The following UBTD1 variants were observed in gnomAD, a reference collection of about 807,000 sequenced individuals.
UBTD1 encodes ubiquitin domain containing 1.
UBTD1 carries 19 observed loss-of-function variants against 21.7 expected under a neutral mutation model. That is an observed-to-expected ratio of 0.87 (90% confidence interval 0.61 to 1.28). The LOEUF (loss-of-function observed/expected upper bound fraction) is 1.28, where lower values mean the gene tolerates loss of function less well. Ranked by LOEUF, UBTD1 falls within the 50% of genes most tolerant of loss-of-function variation. UBTD1 has a pLI of 0.00. For synonymous variants in UBTD1, 116 were observed against 135.1 expected (o/e 0.86, Z 0.98); for missense variants, 282 against 315.1 (o/e 0.89, Z 0.80).
chr10:97,561,095 C>T lies in UBTD1; in HGVS notation c.71-6819C>T, dbSNP rs2040690327. Among the ~76,000 whole-genome samples the T allele has an allele frequency of 2.6e-5, 4 of 152,138 alleles. No individual in the cohort carries two copies. In the South Asian group the frequency reaches 8.3e-4, roughly 31 times the overall value. On this transcript the variant is annotated intron_variant, in intron 1 of 2. Coordinates refer to ENST00000370664, the MANE Select transcript of UBTD1 (RefSeq NM_024954.5). ...GATGTCCGGACTCCAAGTACCGGTTCCTTCCTGGTGTTCAGCCACTGTGTT... is the reference window on the plus strand; with the variant it reads ...GATGTCCGGACTCCAAGTACCGGTTTCTTCCTGGTGTTCAGCCACTGTGTT...
intron 1 of UBTD1, among the ~76,000 whole-genome samples, chr10:97,510,547 TG>T (rs1198358791): frequency 6.6e-6 from 1 of 152,214 alleles, no homozygotes; most frequent in Admixed American, 6.5e-5. Flanking sequence ...GTCTTGAGAA[TG>T]GTGCCTGGGA....
At chr10:97,523,884 C>T (rs536781990) in intron 1 of UBTD1, among the ~76,000 whole-genome samples, 2 of 152,208 alleles carry the variant, frequency 1.3e-5, no homozygotes, top group South Asian at 4.1e-4. Flanking sequence ...TCTGTGGCAG[C>T]TGGAGCCAGT....
chr10:97,535,026 G>A (rs1258163542), intron 1 of UBTD1, among the ~76,000 whole-genome samples: 3 of 152,216 alleles, frequency 2.0e-5, no homozygotes, highest in Non-Finnish European at 4.4e-5. Flanking sequence ...CCTGGAAGAA[G>A]AGGGTTTGTG....
At chr10:97,542,865 C>T (rs1255520985) in intron 1 of UBTD1, among the ~76,000 whole-genome samples, 3 of 152,356 alleles carry the variant, frequency 2.0e-5, no homozygotes, top group East Asian at 1.9e-4. Flanking sequence ...ATAGAACCCT[C>T]GCAGAGGCCT....
At chr10:97,540,895 G>A (rs1424203962) in intron 1 of UBTD1, among the ~76,000 whole-genome samples, 3 of 152,232 alleles carry the variant, frequency 2.0e-5, no homozygotes, top group Non-Finnish European at 4.4e-5. Flanking sequence ...CTGTGTGGGC[G>A]GCAGGGTAGG....
At chr10:97,534,257 C>T (rs1423863574) in intron 1 of UBTD1, among the ~76,000 whole-genome samples, 3 of 152,232 alleles carry the variant, frequency 2.0e-5, no homozygotes, top group African/African-American at 7.2e-5. Flanking sequence ...ATTCTGTCAG[C>T]TTTTATTGAG....
At chr10:97,518,014 G>A (rs2040451883) in intron 1 of UBTD1, among the ~76,000 whole-genome samples, 2 of 152,138 alleles carry the variant, frequency 1.3e-5, no homozygotes. Context: ...GGAACTGGAG[G>A]GGCCGCTCCG....
chr10:97,558,895 G>A (rs982505471), intron 1 of UBTD1, among the ~76,000 whole-genome samples: 9 of 151,986 alleles, frequency 5.9e-5, no homozygotes, highest in African/African-American at 2.2e-4. Flanking sequence ...TCTTCCTCTG[G>A]TTGATGAAAT....
At chr10:97,548,702 A>G (rs1289157132) in intron 1 of UBTD1, among the ~76,000 whole-genome samples, 1 of 152,140 alleles carries the variant, frequency 6.6e-6, no homozygotes, top group Non-Finnish European at 1.5e-5. Context: ...ACTTGAACCC[A>G]GGAGGTGGAG....
Position 97,512,733 on chromosome 10 carries a change from A to G in UBTD1, c.70+13460A>G, listed in dbSNP as rs192882775. ...TCAGGGCCTAGATGTCTGATCCATC[A>G]CTGAGCACCAAGCAGTTTTTCTGCA... is the stretch of plus-strand genomic sequence containing the variant. On this transcript the variant is annotated intron_variant, in intron 1 of 2. Transcript: ENST00000370664. 1.2e-3 allele frequency among the ~76,000 whole-genome samples: 184 copies of G among 152,308 alleles called. 2 individuals are homozygous for G. The highest frequency in any genetic ancestry group is 3.9e-3 in the Admixed American group (60 of 15,302).
intron 1 of UBTD1, among the ~76,000 whole-genome samples, chr10:97,517,941 T>C (rs1049407708): frequency 6.6e-6 from 1 of 152,004 alleles, no homozygotes; most frequent in African/African-American, 2.4e-5. Flanking sequence ...CCTGGGCAAG[T>C]GAAGAGGCCA....
At chr10:97,527,552 G>A (rs2040495430) in intron 1 of UBTD1, among the ~76,000 whole-genome samples, 1 of 152,064 alleles carries the variant, frequency 6.6e-6, no homozygotes, top group Admixed American at 6.6e-5. Context: ...TAGGACAATA[G>A]GAGGGAAGGT....
intron 1 of UBTD1, among the ~76,000 whole-genome samples, chr10:97,544,165 C>A (rs2040598688): frequency 6.6e-6 from 1 of 152,010 alleles, no homozygotes; most frequent in Middle Eastern, 3.2e-3. Context: ...TAGTGGCCAG[C>A]ACCTGTAATC....
intron 1 of UBTD1, among the ~76,000 whole-genome samples, chr10:97,506,502 T>A (rs1222042017): frequency 2.6e-5 from 4 of 152,166 alleles, no homozygotes. Flanking sequence ...TACCTAGATA[T>A]GACATAAAAT....
chr10:97,559,313 C>T (rs6584136), intron 1 of UBTD1, among the ~76,000 whole-genome samples: 145,191 of 152,328 alleles, frequency 0.95, 69,403 homozygotes, highest in Non-Finnish European at 0.99. Flanking sequence ...ACAATCAGGG[C>T]CTCTGGCCTG....
chr10:97,569,268 T>C (rs755010461), intron 2 of UBTD1, among the ~76,000 whole-genome samples: 1 of 152,254 alleles, frequency 6.6e-6, no homozygotes, highest in Non-Finnish European at 1.5e-5. Flanking sequence ...TAACATCATT[T>C]AGTCCAGTCC....
chr10:97,506,883 C>G (rs1166040496), intron 1 of UBTD1, among the ~76,000 whole-genome samples: 1 of 152,072 alleles, frequency 6.6e-6, no homozygotes, highest in African/African-American at 2.4e-5. Context: ...ATGTATATAC[C>G]ACATTTTGCT....
At chr10:97,529,765 A>T (rs2040519306) in intron 1 of UBTD1, among the ~76,000 whole-genome samples, 2 of 151,864 alleles carry the variant, frequency 1.3e-5, no homozygotes, top group East Asian at 3.9e-4. Context: ...CCGTGGGGAG[A>T]GGGAGACCGT....
chr10:97,557,347 T>A (rs1481631845), intron 1 of UBTD1, among the ~76,000 whole-genome samples: 2 of 152,074 alleles, frequency 1.3e-5, no homozygotes, highest in African/African-American at 4.8e-5. Flanking sequence ...TAATGTTGCA[T>A]GTTTTTTTTT....
Sources: gnomAD v4.1 joint callset for allele counts (sites outside exome capture counted in the v4.1 genomes callset) on GRCh38, gnomAD v4.1.1 for gene constraint, MANE v1.5 for transcripts, NCBI Gene and HGNC (gene_info 2026-07-23, HGNC 2026-07-21) for gene names.